Variants in TRIM2 observed in about 807,000 individuals in gnomAD.
TRIM2 encodes the protein tripartite motif containing 2, also known as tripartite motif-containing protein 2.
Under a neutral mutation model 75.2 loss-of-function variants are expected in TRIM2, and 20 were observed. The ratio of observed to expected loss-of-function variants is 0.27; its 90% CI spans 0.19 to 0.39. The LOEUF is 0.39. Ranked by LOEUF, TRIM2 falls within the 10% of genes least tolerant of loss-of-function variation. The pLI is 1.00. For synonymous variants in TRIM2, 373 were observed against 388.3 expected (o/e 0.96, Z 0.46); for missense variants, 660 against 990.8 (o/e 0.67, Z 4.48).
At chr4:153,198,717 TC>T (rs1734022632) in intron 1 of TRIM2, among the ~76,000 whole-genome samples, 1 of 152,206 alleles carries the variant, frequency 6.6e-6, no homozygotes, top group East Asian at 1.9e-4. Flanking sequence ...TTTAATGTTT[TC>T]CCCTGGTAAA....
intron 1 of TRIM2, among the ~76,000 whole-genome samples, chr4:153,260,724 A>ACATCATCATCATCAT (rs1553981981): frequency 8.9e-6 from 1 of 112,574 alleles, no homozygotes; most frequent in Non-Finnish European, 1.8e-5. Context: ...ACACACACAC[A>ACATCATCATCATCAT]CATCATCATC....
chr4:153,164,977 G>T (rs1173046291), intron 1 of TRIM2, among the ~76,000 whole-genome samples: 1 of 151,342 alleles, frequency 6.6e-6, no homozygotes, highest in Non-Finnish European at 1.5e-5. Flanking sequence ...ATTTTCTATG[G>T]GTTTATTGTT....
intron 1 of TRIM2, among the ~76,000 whole-genome samples, chr4:153,173,626 G>A (rs1248057239): frequency 1.3e-5 from 2 of 150,474 alleles, no homozygotes; most frequent in Admixed American, 6.6e-5. Context: ...TCGCGCCATT[G>A]CACTCCAGCC....
rs1396649910 is a variant in TRIM2, at chr4:153,337,762, G to A, written c.*2796G>A. On this transcript the variant is annotated 3_prime_UTR_variant, in exon 12 of 12. Coordinates refer to ENST00000338700, the MANE Select transcript of TRIM2 (RefSeq NM_015271.5). Reference sequence around the variant, plus strand: ...TTATTGTTTGATTTCTCTTTGTCAAGTGTATAGAACCTGTCATACATTCAT... The same window carrying A: ...TTATTGTTTGATTTCTCTTTGTCAAATGTATAGAACCTGTCATACATTCAT... 1.0e-6 allele frequency: 1 copy of A among 985,846 alleles called. No individual in the cohort carries two copies. The highest frequency in any genetic ancestry group is 1.2e-6 in the Non-Finnish European group (1 of 829,940). The allele number at this position is 985,846 out of a possible 1,614,324, so 61.1% of individuals were successfully genotyped here.
chr4:153,247,512 C>T (rs569917312), intron 1 of TRIM2, among the ~76,000 whole-genome samples: 8 of 151,992 alleles, frequency 5.3e-5, no homozygotes, highest in Non-Finnish European at 8.8e-5. Flanking sequence ...CCCGTCTCTA[C>T]TAAAAATACA....
At chr4:153,328,739 C>T in intron 11 of TRIM2, 69 bp downstream of exon 11, 2 of 1,457,934 alleles carry the variant, frequency 1.4e-6, no homozygotes, top group African/African-American at 1.4e-5. Context: ...ATTTGCTGTC[C>T]CCCAAACTGG....
intron 1 of TRIM2, among the ~76,000 whole-genome samples, chr4:153,244,121 ATCTTCTTCT>A (rs895189975): frequency 6.9e-6 from 1 of 145,732 alleles, no homozygotes; most frequent in Non-Finnish European, 1.5e-5. Context: ...TGCCACTGCC[ATCTTCTTCT>A]TCTTCTTCTT....
Position 153,294,298 on chromosome 4 carries a change from C to T in TRIM2, c.606-7C>T, listed in dbSNP as rs747613439. 3 of 1,613,632 alleles carry T rather than the reference C, an allele frequency of 1.9e-6. No individual in the cohort carries two copies. The highest frequency in any genetic ancestry group is 2.5e-6 in the Non-Finnish European group (3 of 1,179,728). On this transcript the variant is annotated splice_region_variant and splice_polypyrimidine_tract_variant and intron_variant, in intron 4 of 11. Coordinates refer to ENST00000338700, the MANE Select transcript of TRIM2 (RefSeq NM_015271.5). ...TTAAATAACGACCTTTAACAACTGT[C>T]CACCAGGCTCCCAGAAATAGATTCT...
chr4:153,193,341 T>C lies in TRIM2; in HGVS notation c.-49+40071T>C, dbSNP rs529422350. Among the ~76,000 whole-genome samples the C allele has an allele frequency of 1.8e-4, 28 of 151,968 alleles. No homozygotes were observed. The East Asian group carries it at 2.7e-3, about 15-fold the overall frequency. On this transcript the variant is annotated intron_variant, in intron 1 of 11. Coordinates refer to the TRIM2 transcript ENST00000437508. ...AGAGACAGGGTTTCACTGTGTTAGT[T>C]AGGATGGTCTCGATCTCCTGACCTC...
chr4:153,293,251 G>A (rs1033850272), intron 4 of TRIM2, 118 bp downstream of exon 4: 5 of 1,045,294 alleles, frequency 4.8e-6, no homozygotes, highest in African/African-American at 1.6e-5. Flanking sequence ...AGGCTTTGTG[G>A]GTAAATAAGT....
chr4:153,325,151 G>T (rs1769882565), intron 10 of TRIM2, among the ~76,000 whole-genome samples: 1 of 152,098 alleles, frequency 6.6e-6, no homozygotes, highest in African/African-American at 2.4e-5. Context: ...ACACCCAAAG[G>T]TACTCTCTGT....
chr4:153,334,929 G>C lies in TRIM2; in HGVS notation c.2279G>C (p.Gly760Ala). 1 of 1,613,926 alleles carries C rather than the reference G, an allele frequency of 6.2e-7. No individual in the cohort carries two copies. Residue 760 changes from glycine to alanine, a missense_variant, in exon 12 of 12, where the codon GGA (glycine) becomes GCA (alanine). By Grantham distance (60) the Gly-to-Ala change is moderately conservative. Transcript: ENST00000338700. ...SDGHVVVADS[G>A]NHCFKVYRYL... ...GGTCATGTTGTGGTTGCAGACTCTG[G>C]AAATCACTGTTTCAAAGTCTATCGA... is the stretch of plus-strand genomic sequence containing the variant.
chr4:153,254,770 C>T (rs1196634711), intron 1 of TRIM2, among the ~76,000 whole-genome samples: 4 of 152,194 alleles, frequency 2.6e-5, no homozygotes, highest in African/African-American at 9.7e-5. Context: ...CAGCTGAGCC[C>T]CCAAAACCCA....
At chr4:153,218,858 C>T (rs1334379203) in intron 1 of TRIM2, among the ~76,000 whole-genome samples, 3 of 152,162 alleles carry the variant, frequency 2.0e-5, no homozygotes, top group African/African-American at 4.8e-5. Context: ...CTCCAGGAAG[C>T]CTTTTCTACT....
At position 153,195,039 on chromosome 4, in the gene TRIM2, A is replaced by G. The variant is rs145221717; in HGVS notation, c.-49+41769A>G. On this transcript the variant is annotated intron_variant, in intron 1 of 11. Coordinates refer to the TRIM2 transcript ENST00000437508. ...AGGTCTTTGCCAGACCTTATTTAGC[A>G]TAAGAGTCTTTGCCATTGTAATTAA... 8.4e-3 allele frequency among the ~76,000 whole-genome samples: 1,273 copies of G among 152,318 alleles called. 22 individuals carry two copies. The highest frequency in any genetic ancestry group is 0.029 in the African/African-American group (1,223 of 41,572).
At chr4:153,245,219 G>A (rs1262974009) in intron 1 of TRIM2, among the ~76,000 whole-genome samples, 1 of 152,232 alleles carries the variant, frequency 6.6e-6, no homozygotes, top group African/African-American at 2.4e-5. Context: ...CAAGCCAATG[G>A]TAAGTTCTGT....
At chr4:153,284,401 G>A (rs559853999) in intron 3 of TRIM2, among the ~76,000 whole-genome samples, 10 of 151,128 alleles carry the variant, frequency 6.6e-5, no homozygotes, top group South Asian at 4.2e-4. Flanking sequence ...TGGGGTTTCC[G>A]CTGTGTTGGC....
chr4:153,282,256 C>T (rs909202809), intron 3 of TRIM2, among the ~76,000 whole-genome samples: 2 of 152,156 alleles, frequency 1.3e-5, no homozygotes, highest in Admixed American at 6.6e-5. Context: ...CTGTCAGAAC[C>T]GAAGCACGAG....
At chr4:153,298,687 A>G (rs143324924) in intron 6 of TRIM2, among the ~76,000 whole-genome samples, 1 of 152,162 alleles carries the variant, frequency 6.6e-6, no homozygotes, top group Non-Finnish European at 1.5e-5. Context: ...TTTTATAGAG[A>G]ACACTTACAA....
Sources: gnomAD v4.1 joint callset for allele counts (sites outside exome capture counted in the v4.1 genomes callset) on GRCh38, gnomAD v4.1.1 for gene constraint, MANE v1.5 for transcripts, NCBI Gene and HGNC (gene_info 2026-07-23, HGNC 2026-07-21) for gene names.